The following NUP210L variants were observed in gnomAD, a reference collection of about 807,000 sequenced individuals.
NUP210L encodes nuclear pore membrane glycoprotein 210-like.
Under a neutral mutation model 208.5 loss-of-function variants are expected in NUP210L, and 74 were observed. The observed-to-expected ratio is 0.35, with a 90% CI of 0.29 to 0.43. The LOEUF (loss-of-function observed/expected upper bound fraction) is 0.43. Ranked by LOEUF, NUP210L falls within the 20% of genes least tolerant of loss-of-function variation. The probability of loss-of-function intolerance (pLI) is 1.00; values close to 1 mark genes in which losing one functional copy is unlikely to be tolerated. For missense variants in NUP210L, 1,843 were observed against 2,289.4 expected, an observed-to-expected ratio of 0.81 and a Z score of 3.98; for synonymous variants, 780 against 816.9, an observed-to-expected ratio of 0.95 and a Z score of 0.77.
chr1:154,003,874 C>T (rs1301674006), intron 35 of NUP210L, among the ~76,000 whole-genome samples: 1 of 152,100 alleles, frequency 6.6e-6, no homozygotes, highest in Non-Finnish European at 1.5e-5. Context: ...TCTCTGACAT[C>T]TGCCCCTTCT....
intron 3 of NUP210L, among the ~76,000 whole-genome samples, 200 bp downstream of exon 3, chr1:154,143,246 A>T (rs1356886053): frequency 1.3e-5 from 2 of 152,096 alleles, no homozygotes; most frequent in African/African-American, 2.4e-5. Context: ...AACTAACAAT[A>T]GCAGGAATAT....
chr1:154,084,700 T>G (rs542200324), intron 16 of NUP210L, among the ~76,000 whole-genome samples: 1 of 151,482 alleles, frequency 6.6e-6, no homozygotes, highest in South Asian at 2.1e-4. Flanking sequence ...CTCCAACTCC[T>G]GGGCTCAAGT....
intron 15 of NUP210L, among the ~76,000 whole-genome samples, chr1:154,094,576 T>C (rs550076103): frequency 6.6e-6 from 1 of 152,342 alleles, no homozygotes; most frequent in Non-Finnish European, 1.5e-5. Context: ...AGATGATACT[T>C]CAAAGTTTCC....
intron 12 of NUP210L, among the ~76,000 whole-genome samples, chr1:154,114,750 A>C: frequency 7.1e-6 from 1 of 141,360 alleles, no homozygotes. Context: ...ATGTGCCACT[A>C]TGCCTGGTTA....
In NUP210L at chr1:154,095,206, A is replaced by C; in HGVS notation, c.1966-50T>G. ...TCCTGATAGGTTAGGGAATTCAATA[A>C]TTTTCTAAAGTGAAACACTAGTTAT... On this transcript the variant is annotated intron_variant, in intron 14 of 39. Coordinates refer to ENST00000368559, the Ensembl canonical transcript of NUP210L. 2 of 1,403,478 alleles carry C rather than the reference A, an allele frequency of 1.4e-6. 1 individual carries two copies. The highest frequency in any genetic ancestry group is 2.4e-5 in the South Asian group (2 of 83,630). 86.9% of individuals were successfully genotyped at this position (1,403,478 alleles called of 1,614,324 possible).
At chr1:154,051,380 T>G (rs965830850) in intron 25 of NUP210L, among the ~76,000 whole-genome samples, 2 of 152,064 alleles carry the variant, frequency 1.3e-5, no homozygotes, top group Non-Finnish European at 2.9e-5. Flanking sequence ...CAGCTAATTT[T>G]TTTATTTTTA....
chr1:154,015,722 AACACACACACAC>A (rs372823301), intron 33 of NUP210L, among the ~76,000 whole-genome samples: 6 of 144,362 alleles, frequency 4.2e-5, no homozygotes, highest in Non-Finnish European at 6.0e-5. Flanking sequence ...TCTGTCTCAA[AACACACACACAC>A]ACACACACAC....
chr1:154,050,469 C>G (rs144040870), intron 25 of NUP210L, among the ~76,000 whole-genome samples: 2 of 152,256 alleles, frequency 1.3e-5, no homozygotes, highest in African/African-American at 4.8e-5. Flanking sequence ...CAGCATTCAC[C>G]TACTGGTGTT....
At chr1:154,088,790 T>C (rs1020374283) in intron 16 of NUP210L, among the ~76,000 whole-genome samples, 2 of 152,174 alleles carry the variant, frequency 1.3e-5, no homozygotes, top group African/African-American at 2.4e-5. Flanking sequence ...AATTGTTCTG[T>C]ATAGGTTAAG....
chr1:154,146,132 A>ACAAT (rs757296530), intron 2 of NUP210L, among the ~76,000 whole-genome samples: 2 of 152,302 alleles, frequency 1.3e-5, no homozygotes, highest in Admixed American at 1.3e-4. Context: ...GTAAGAAAGC[A>ACAAT]CAATCAATCA....
chr1:154,104,272 G>A lies in NUP210L; in HGVS notation c.1621-62C>T. ...TTAAAAAAAAGTCTTAGGAGGAGGA[G>A]AAGCAAGATGGCCAAATAGAACCCT... On this transcript the variant is annotated intron_variant, in intron 12 of 39. Transcript: ENST00000368559. The A allele has an allele frequency of 6.6e-6, 9 of 1,364,364 alleles. No individual in the cohort carries two copies. The South Asian group carries it at 1.1e-4, about 16-fold the overall frequency. The allele number at this position is 1,364,364 out of a possible 1,614,324, so 84.5% of individuals were successfully genotyped here.
exon 10 of NUP210L, chr1:154,126,330 A>G (rs186286397): frequency 3.1e-6 from 5 of 1,610,022 alleles, no homozygotes; most frequent in Non-Finnish European, 8.5e-7. Context: ...TACCTGGTAA[A>G]TGATGGAGGT....
At position 154,065,086 on chromosome 1, in the gene NUP210L, T is replaced by TAAATAAAATAAAATA. The variant is rs57418988; in HGVS notation, c.2555-3427_2555-3413dup. Among the ~76,000 whole-genome samples, 392 of 134,614 alleles carry TAAATAAAATAAAATA rather than the reference T, an allele frequency of 2.9e-3. 3 individuals carry two copies. Among genetic ancestry groups the TAAATAAAATAAAATA allele is most frequent in the Non-Finnish European group, 4.5e-3 (284 of 63,574 alleles). 88.3% of individuals were successfully genotyped at this position (134,614 alleles called of 152,430 possible). The stretch of plus-strand genomic sequence containing the variant: ...GCGAGATTCCATCTCAGTAAATAAA[T>TAAATAAAATAAAATA]AAATAAAATAAAATAAAATAAAATA... On this transcript the variant is annotated intron_variant, in intron 17 of 39. Transcript: ENST00000368559.
At chr1:154,082,764 T>C (rs1655408354) in intron 16 of NUP210L, among the ~76,000 whole-genome samples, 1 of 152,202 alleles carries the variant, frequency 6.6e-6, no homozygotes, top group Admixed American at 6.5e-5. Flanking sequence ...TTCTGGTGGG[T>C]TCCTGGTCTC....
chr1:154,149,780 G>C (rs911460277), intron 2 of NUP210L, among the ~76,000 whole-genome samples: 1 of 152,094 alleles, frequency 6.6e-6, no homozygotes, highest in Non-Finnish European at 1.5e-5. Context: ...GAATGATTAG[G>C]AGAAATATCA....
intron 37 of NUP210L, among the ~76,000 whole-genome samples, chr1:153,997,620 C>G (rs994145098): frequency 2.0e-5 from 3 of 151,382 alleles, no homozygotes; most frequent in Admixed American, 6.6e-5. Flanking sequence ...GCCATCACAC[C>G]TGGCTAATTA....
intron 28 of NUP210L, 28 bp from the exon 29 acceptor site, chr1:154,027,625 T>A: frequency 6.6e-7 from 1 of 1,505,816 alleles, no homozygotes; most frequent in Non-Finnish European, 9.2e-7. Flanking sequence ...TTTCCTCATT[T>A]TTGGCAAAGA....
chr1:154,033,022 A>AGAAG (rs929224363), intron 27 of NUP210L, among the ~76,000 whole-genome samples: 4 of 151,654 alleles, frequency 2.6e-5, no homozygotes, highest in African/African-American at 9.7e-5. Flanking sequence ...AGAAAGAAAA[A>AGAAG]GAAGGAAGGA....
chr1:154,027,429 G>A, intron 29 of NUP210L, 77 bp downstream of exon 29: 1 of 1,034,184 alleles, frequency 9.7e-7, no homozygotes, highest in Non-Finnish European at 1.5e-6. Context: ...AGGCAAAAGT[G>A]TTCTTTCTAT....
Sources: gnomAD v4.1 joint callset for allele counts (sites outside exome capture counted in the v4.1 genomes callset) on GRCh38, gnomAD v4.1.1 for gene constraint, MANE v1.5 for transcripts, NCBI Gene and HGNC (gene_info 2026-07-23, HGNC 2026-07-21) for gene names.